PXDN: variants seen among roughly 807,000 people sequenced by gnomAD.
The protein encoded by PXDN is peroxidasin, also known as peroxidasin homolog.
Under a neutral mutation model 140.3 loss-of-function variants are expected in PXDN, and 77 were observed. That is an observed-to-expected ratio of 0.55 (90% CI 0.46 to 0.66). The LOEUF is 0.66. Among genes scored for constraint, PXDN ranks in the 30% least tolerant of loss-of-function variants. The probability of loss-of-function intolerance (pLI) is 0.00; values close to 1 mark genes in which losing one functional copy is unlikely to be tolerated. For missense variants in PXDN, 1,838 were observed against 2,039.5 expected, an observed-to-expected ratio of 0.90 and a Z score of 1.90; for synonymous variants, 911 against 857.4, an observed-to-expected ratio of 1.06 and a Z score of -1.09.
chr2:1,634,226 T>A lies in PXDN; in HGVS notation c.4418A>T (p.Lys1473Met). The A allele has an allele frequency of 6.3e-7, 1 of 1,598,856 alleles. No individual in the cohort carries two copies. The highest frequency in any genetic ancestry group is 8.5e-7 in the Non-Finnish European group (1 of 1,172,716). ...PGACCPVCLQKRAEEKP is the reference protein window; with the variant it reads ...PGACCPVCLQMRAEEKP Reference sequence around the variant, plus strand: ...AGCCTAGGGCTTTTCCTCCGCCCTCTTCTGTAAGCAGACTGGACAGCAGGC... The same window carrying A: ...AGCCTAGGGCTTTTCCTCCGCCCTCATCTGTAAGCAGACTGGACAGCAGGC... Residue 1473 changes from lysine (K) to methionine (M), a missense_variant, in exon 23 of 23, where the codon AAG becomes ATG. Physicochemically the swap from Lys to Met is moderately conservative, Grantham distance 95 (BLOSUM62 -1). Coordinates refer to ENST00000252804, the MANE Select transcript of PXDN (RefSeq NM_012293.3).
chr2:1,646,965 G>A (rs1682862768), intron 17 of PXDN, among the ~76,000 whole-genome samples: 3 of 152,082 alleles, frequency 2.0e-5, no homozygotes, highest in South Asian at 2.1e-4. Flanking sequence ...GCGTGATCTC[G>A]GCTCACTGCA....
intron 8 of PXDN, among the ~76,000 whole-genome samples, chr2:1,676,056 A>C (rs570930202): frequency 6.6e-6 from 1 of 152,136 alleles, no homozygotes; most frequent in East Asian, 1.9e-4. Flanking sequence ...CTCCACTCCA[A>C]CTTAGGACCC....
chr2:1,658,078 CTCT>C (rs1558494504), intron 14 of PXDN, among the ~76,000 whole-genome samples: 3,140 of 77,976 alleles, frequency 0.04, 737 homozygotes, highest in Admixed American at 0.1. Context: ...CTCTCTCTCT[CTCT>C]CTCTCTCTCT....
intron 12 of PXDN, among the ~76,000 whole-genome samples, chr2:1,663,100 T>C (rs536418694): frequency 3.6e-4 from 55 of 152,194 alleles, no homozygotes; most frequent in Admixed American, 9.1e-4. Flanking sequence ...TTCTTCTCAT[T>C]GGAGAGAACA....
chr2:1,743,388 C>T (rs1261018462), intron 1 of PXDN, among the ~76,000 whole-genome samples: 4 of 152,224 alleles, frequency 2.6e-5, no homozygotes, highest in East Asian at 1.9e-4. Context: ...CCGAGACTAC[C>T]GCGCGGCCCC....
intron 1 of PXDN, among the ~76,000 whole-genome samples, chr2:1,697,723 G>A (rs554386951): frequency 1.5e-4 from 23 of 152,274 alleles, no homozygotes; most frequent in African/African-American, 4.1e-4. Flanking sequence ...CTGCAGTGAC[G>A]TCTCCCCAGG....
chr2:1,691,169 A>C (rs954485901), intron 3 of PXDN, among the ~76,000 whole-genome samples: 1 of 152,234 alleles, frequency 6.6e-6, no homozygotes, highest in Non-Finnish European at 1.5e-5. Context: ...TCCAACAAAA[A>C]TGGCTGAAAT....
At chr2:1,669,280 T>C (rs1427137224) in intron 9 of PXDN, among the ~76,000 whole-genome samples, 1 of 151,994 alleles carries the variant, frequency 6.6e-6, no homozygotes, top group Non-Finnish European at 1.5e-5. Context: ...GAGTGGAACA[T>C]CAAACACCAG....
At chr2:1,658,334 A>C (rs1421393085) in intron 14 of PXDN, among the ~76,000 whole-genome samples, 1 of 151,856 alleles carries the variant, frequency 6.6e-6, no homozygotes, top group African/African-American at 2.4e-5. Flanking sequence ...TCCATGCTCA[A>C]ACAGGACTCC....
chr2:1,706,586 T>G (rs13032047), intron 1 of PXDN, among the ~76,000 whole-genome samples: 3,954 of 61,424 alleles, frequency 0.064, 270 homozygotes, highest in African/African-American at 0.099. Flanking sequence ...AGAGCACGCT[T>G]CAGTGTTCAC....
chr2:1,709,344 G>C (rs80093017), intron 1 of PXDN, among the ~76,000 whole-genome samples: 1 of 152,146 alleles, frequency 6.6e-6, no homozygotes, highest in Non-Finnish European at 1.5e-5. Flanking sequence ...CCCAGAGTGC[G>C]GGTGCTTGAT....
intron 1 of PXDN, among the ~76,000 whole-genome samples, chr2:1,719,939 A>G (rs538361831): frequency 0.02 from 1,335 of 65,638 alleles, 219 homozygotes; most frequent in African/African-American, 0.063. Flanking sequence ...GGAGAGAGAG[A>G]GAGGGAGGGA....
rs996235405 is a variant in PXDN at position 1,692,131 on chromosome 2, C to A, written c.273-132G>T. On this transcript the variant is annotated intron_variant, in intron 2 of 22. Coordinates refer to ENST00000252804, the MANE Select transcript of PXDN (RefSeq NM_012293.3). ...TTACAGCCTCGCCATCAACATTCAA[C>A]GAACGCTGAACCCGCAGGACAAAAC... is the stretch of plus-strand genomic sequence containing the variant. The A allele has an allele frequency of 7.4e-6, 5 of 671,358 alleles. No individual in the cohort carries two copies. The African/African-American group carries it at 9.2e-5, about 12-fold the overall frequency. The allele number at this position is 671,358 out of a possible 1,614,324, so 41.6% of individuals were successfully genotyped here.
intron 14 of PXDN, among the ~76,000 whole-genome samples, chr2:1,655,801 G>A (rs1289495923): frequency 7.0e-6 from 1 of 143,432 alleles, no homozygotes; most frequent in Non-Finnish European, 1.5e-5. Context: ...ACAGACACAC[G>A]CCACACATAG....
intron 3 of PXDN, among the ~76,000 whole-genome samples, chr2:1,690,366 C>G (rs1167134272): frequency 6.6e-6 from 1 of 152,090 alleles, no homozygotes; most frequent in Non-Finnish European, 1.5e-5. Context: ...GCGCTCAGAG[C>G]CGGCTGTGCA....
At chr2:1,663,242 G>C (rs1185337162) in intron 12 of PXDN, among the ~76,000 whole-genome samples, 1 of 152,150 alleles carries the variant, frequency 6.6e-6, no homozygotes, top group East Asian at 1.9e-4. Flanking sequence ...GACTTGATTA[G>C]ACTGTGTTAC....
intron 2 of PXDN, 59 bp from the exon 3 acceptor site, chr2:1,692,058 T>C: frequency 8.2e-7 from 1 of 1,223,178 alleles, no homozygotes; most frequent in East Asian, 2.6e-5. Context: ...TTCGAAGTTG[T>C]GTTAAAACAT....
chr2:1,743,229 C>G (rs2125499467), intron 1 of PXDN, among the ~76,000 whole-genome samples: 1 of 152,314 alleles, frequency 6.6e-6, no homozygotes, highest in South Asian at 2.1e-4. Context: ...GGACGGCCCG[C>G]AGGACAGGGT....
intron 1 of PXDN, among the ~76,000 whole-genome samples, chr2:1,742,175 A>G (rs921173700): frequency 2.0e-5 from 3 of 152,188 alleles, no homozygotes; most frequent in East Asian, 3.9e-4. Flanking sequence ...TAGCGTCAGG[A>G]GCTGCGCTTC....
Sources: gnomAD v4.1 joint callset for allele counts (sites outside exome capture counted in the v4.1 genomes callset) on GRCh38, gnomAD v4.1.1 for gene constraint, MANE v1.5 for transcripts, NCBI Gene and HGNC (gene_info 2026-07-23, HGNC 2026-07-21) for gene names.